SLC7A7: variants seen among roughly 807,000 people sequenced by gnomAD.
The protein encoded by SLC7A7 is solute carrier family 7 member 7, also known as Y+L amino acid transporter 1.
Under a neutral mutation model 47.9 loss-of-function variants are expected in SLC7A7, and 39 were observed. The ratio of observed to expected loss-of-function variants is 0.81; its 90% CI spans 0.63 to 1.06. The LOEUF (loss-of-function observed/expected upper bound fraction) is 1.06, where lower values mean the gene tolerates loss of function less well. Ranked by LOEUF, SLC7A7 falls within the 50% of genes least tolerant of loss-of-function variation. The pLI is 0.00. For missense variants in SLC7A7, 588 were observed against 632.0 expected (o/e 0.93, Z 0.75); for synonymous variants, 234 against 242.8 (o/e 0.96, Z 0.34).
chr14:22,816,651 G>C (rs1262879599), upstream of SLC7A7, among the ~76,000 whole-genome samples: 1 of 152,062 alleles, frequency 6.6e-6, no homozygotes, highest in Non-Finnish European at 1.5e-5. Flanking sequence ...CTTTAAATCT[G>C]GTATTCTGAG....
In SLC7A7 at chr14:22,793,714, G is replaced by C. The variant is rs190307071; in HGVS notation, c.500-13663C>G. Among the ~76,000 whole-genome samples the C allele has an allele frequency of 2.5e-3, 382 of 152,114 alleles. 1 individual carries two copies. The highest frequency in any genetic ancestry group is 8.8e-3 in the African/African-American group (367 of 41,508). On this transcript the variant is annotated intron_variant, in intron 2 of 9. Coordinates refer to ENST00000674313, the MANE Select transcript of SLC7A7 (RefSeq NM_003982.4). The stretch of plus-strand genomic sequence containing the variant: ...ACCTGTAACCCCAGCTACTAGGGAG[G>C]CTGAGGCAGGAGAATTACTTCAACT...
intron 2 of SLC7A7, among the ~76,000 whole-genome samples, chr14:22,807,040 G>A (rs551492272): frequency 6.6e-6 from 1 of 152,100 alleles, no homozygotes; most frequent in South Asian, 2.1e-4. Context: ...TGGGACTACA[G>A]GCTCCTGCCA....
In SLC7A7 at chr14:22,813,200, C is replaced by G. The variant is rs771561758; in HGVS notation, c.199G>C (p.Ala67Pro). Residue 67 changes from alanine (A) to proline (P), a missense_variant, in exon 2 of 10, where the codon GCC becomes CCC. Ala to Pro is a conservative substitution (Grantham distance 27, BLOSUM62 -1). Transcript: ENST00000674313. ...VSPKGVLIYS[A>P]SFGLSLVIWA... is the part of the protein sequence containing the mutation. Reference sequence around the variant, plus strand: ...ATGACCAGAGAGAGACCAAAGGAGGCACTGTATATGAGCACACCCTTGGGG... The same window carrying G: ...ATGACCAGAGAGAGACCAAAGGAGGGACTGTATATGAGCACACCCTTGGGG... 1 of 1,614,204 alleles carries G rather than the reference C, an allele frequency of 6.2e-7. No homozygotes were observed. The highest frequency in any genetic ancestry group is 8.5e-7 in the Non-Finnish European group (1 of 1,180,034).
intron 2 of SLC7A7, among the ~76,000 whole-genome samples, chr14:22,797,589 A>G (rs554697007): frequency 4.6e-5 from 7 of 152,136 alleles, no homozygotes; most frequent in South Asian, 4.2e-4. Context: ...ACGTCACTGG[A>G]GGAGTGAATG....
chr14:22,781,134 C>CCCAAGGGCT (rs151228741), intron 2 of SLC7A7, among the ~76,000 whole-genome samples: 1 of 152,166 alleles, frequency 6.6e-6, no homozygotes, highest in African/African-American at 2.4e-5. Context: ...AAGCCCTTCT[C>CCCAAGGGCT]CCAAGGGCTC....
chr14:22,785,222 G>A (rs1461311409), intron 2 of SLC7A7, among the ~76,000 whole-genome samples: 2 of 152,068 alleles, frequency 1.3e-5, no homozygotes, highest in East Asian at 1.9e-4. Context: ...AAATTGCAGT[G>A]AGCCAAGATC....
At chr14:22,788,500 T>A (rs187996448) in intron 2 of SLC7A7, among the ~76,000 whole-genome samples, 18 of 151,950 alleles carry the variant, frequency 1.2e-4, no homozygotes, top group Middle Eastern at 3.4e-3. Flanking sequence ...GTCAGGAGTT[T>A]GAGATCAGCC....
intron 2 of SLC7A7, among the ~76,000 whole-genome samples, chr14:22,805,096 A>T (rs1354990146): frequency 4.4e-5 from 6 of 137,500 alleles, no homozygotes. Context: ...GGCCAGGTGC[A>T]GTGGCTCATG....
upstream of SLC7A7, among the ~76,000 whole-genome samples, chr14:22,816,742 T>C (rs1051985668): frequency 5.3e-5 from 8 of 152,142 alleles, no homozygotes; most frequent in African/African-American, 1.9e-4. Context: ...CTAACCCTCT[T>C]TGGTTATTCT....
upstream of SLC7A7, chr14:22,815,877 G>T (rs1411051716): frequency 2.8e-6 from 1 of 356,950 alleles, no homozygotes; most frequent in Non-Finnish European, 5.5e-6. Flanking sequence ...GTGACACAAA[G>T]GCTTGTTCCC....
In SLC7A7 at chr14:22,773,592, C is replaced by T; in HGVS notation, c.*18G>A. Reference sequence around the variant, plus strand: ...GACCAGAAACCCCTGCTTTCCACATCAGGATTCCAGATGGTGTTTAGTTAG... The same window carrying T: ...GACCAGAAACCCCTGCTTTCCACATTAGGATTCCAGATGGTGTTTAGTTAG... On this transcript the variant is annotated 3_prime_UTR_variant, in exon 10 of 10. Transcript: ENST00000674313. 3.1e-6 allele frequency: 5 copies of T among 1,603,524 alleles called. No individual in the cohort carries two copies. The highest frequency in any genetic ancestry group is 4.3e-6 in the Non-Finnish European group (5 of 1,170,254).
intron 2 of SLC7A7, among the ~76,000 whole-genome samples, chr14:22,811,311 G>A (rs912904730): frequency 1.3e-5 from 2 of 152,218 alleles, no homozygotes; most frequent in African/African-American, 4.8e-5. Flanking sequence ...TAGAGCAGCT[G>A]CCCCTCAAAT....
chr14:22,783,699 G>A (rs778772081), intron 2 of SLC7A7, among the ~76,000 whole-genome samples: 9 of 151,612 alleles, frequency 5.9e-5, no homozygotes, highest in East Asian at 3.9e-4. Flanking sequence ...CCGGCGTGGC[G>A]TGCCCAGTCT....
upstream of SLC7A7, among the ~76,000 whole-genome samples, chr14:22,817,914 A>ACCC (rs2039428797): frequency 6.6e-6 from 1 of 152,158 alleles, no homozygotes; most frequent in Non-Finnish European, 1.5e-5. Context: ...AAGTTTGTTA[A>ACCC]TCTCCTTCCT....
At chr14:22,805,582 G>A (rs1430851762) in intron 2 of SLC7A7, among the ~76,000 whole-genome samples, 1 of 152,130 alleles carries the variant, frequency 6.6e-6, no homozygotes, top group Non-Finnish European at 1.5e-5. Flanking sequence ...ATAGACAAAT[G>A]CGGGGGAAGA....
intron 2 of SLC7A7, among the ~76,000 whole-genome samples, chr14:22,784,878 A>G (rs1372992348): frequency 6.6e-6 from 1 of 152,208 alleles, no homozygotes; most frequent in Non-Finnish European, 1.5e-5. Context: ...AAGAACATTA[A>G]ACCCACAATT....
In SLC7A7 at chr14:22,805,002, C is replaced by T. The variant is rs533253720; in HGVS notation, c.499+7898G>A. ...AGCCTGGGCAACAAGAGTGAAACTT[C>T]GTCTCAAAAAACAAAAAACAAACAA... On this transcript the variant is annotated intron_variant, in intron 2 of 9. Transcript: ENST00000674313. Among the ~76,000 whole-genome samples the T allele has an allele frequency of 7.2e-5, 11 of 151,966 alleles. No individual in the cohort carries two copies. In the East Asian group the frequency reaches 1.2e-3, roughly 16 times the overall value.
rs567893394 is a variant in SLC7A7 at position 22,778,906 on chromosome 14, C to A, written c.657G>T (p.Glu219Asp). The A allele has an allele frequency of 1.2e-6, 2 of 1,614,106 alleles. No homozygotes were observed. The highest frequency in any genetic ancestry group is 2.7e-5 in the African/African-American group (2 of 75,032). ...TGTCACCCACTGCAAATGATGAACC[C>A]TCAAAGGAATTCTCAAAATGAGTAG... ...GASTHFENSF[E>D]GSSFAVGDIA... The change falls in exon 4 of 10, where the codon GAG becomes GAT. Residue 219 changes from glutamate (E) to aspartate (D), a missense_variant. Physicochemically the swap from Glu to Asp is conservative, Grantham distance 45. Transcript: ENST00000674313.
chr14:22,807,999 TA>T (rs1406112517), intron 2 of SLC7A7, among the ~76,000 whole-genome samples: 1 of 152,000 alleles, frequency 6.6e-6, no homozygotes, highest in African/African-American at 2.4e-5. Flanking sequence ...CCGTCTCTAC[TA>T]AAAACACAAA....
Sources: gnomAD v4.1 joint callset for allele counts (sites outside exome capture counted in the v4.1 genomes callset) on GRCh38, gnomAD v4.1.1 for gene constraint, MANE v1.5 for transcripts, NCBI Gene and HGNC (gene_info 2026-07-23, HGNC 2026-07-21) for gene names.